The following ERI1 variants were observed in gnomAD, a reference collection of about 807,000 sequenced individuals.
ERI1 encodes the protein 3'-5' exoribonuclease 1.
Under a neutral mutation model 39.7 loss-of-function variants are expected in ERI1, and 39 were observed. That is an observed-to-expected ratio of 0.98 (90% CI 0.76 to 1.28). ERI1 has a LOEUF of 1.28. Among genes scored for constraint, ERI1 ranks in the 50% most tolerant of loss-of-function variants. The pLI, the probability that ERI1 is intolerant of heterozygous loss-of-function variation, is 0.00. For synonymous variants in ERI1, 204 were observed against 149.6 expected, an observed-to-expected ratio of 1.36 and a Z score of -2.65; for missense variants, 581 against 416.9, an observed-to-expected ratio of 1.39 and a Z score of -3.43.
At chr8:9,060,808 T>C (rs983905576) in intron 3 of ERI1, among the ~76,000 whole-genome samples, 2 of 152,178 alleles carry the variant, frequency 1.3e-5, no homozygotes, top group African/African-American at 2.4e-5. Context: ...GCATAAGCAT[T>C]GTCTAGAGCA....
downstream of ERI1, among the ~76,000 whole-genome samples, chr8:9,035,761 T>C (rs1797823353): frequency 6.6e-6 from 1 of 152,228 alleles, no homozygotes; most frequent in Admixed American, 6.5e-5. Context: ...AAGGCTGTAG[T>C]TAGCATAGGT....
intron 6 of ERI1, among the ~76,000 whole-genome samples, chr8:9,029,564 C>G (rs565253910): frequency 2.0e-5 from 3 of 152,190 alleles, no homozygotes; most frequent in South Asian, 2.1e-4. Context: ...CTCCTGACCT[C>G]AAGTGATCTG....
chr8:9,054,551 C>CT (rs1798449639), intron 3 of ERI1, among the ~76,000 whole-genome samples: 1 of 152,194 alleles, frequency 6.6e-6, no homozygotes. Flanking sequence ...GCACAGGAGG[C>CT]TTCAGGATAA....
chr8:9,060,606 A>G (rs1798661335), intron 3 of ERI1, among the ~76,000 whole-genome samples: 1 of 152,244 alleles, frequency 6.6e-6, no homozygotes. Flanking sequence ...AAATGACCAC[A>G]GAATAGAATG....
chr8:9,014,307 T>C (rs1321556805), intron 3 of ERI1, among the ~76,000 whole-genome samples: 3 of 152,158 alleles, frequency 2.0e-5, no homozygotes, highest in Admixed American at 6.5e-5. Context: ...CTTCTCTCCC[T>C]CCCTCCCGTT....
At chr8:9,026,960 ATTC>A (rs1563333776) in intron 6 of ERI1, among the ~76,000 whole-genome samples, 5 of 152,090 alleles carry the variant, frequency 3.3e-5, no homozygotes, top group Admixed American at 2.6e-4. Flanking sequence ...TACAGATACC[ATTC>A]TTCTTCCTGT....
At chr8:9,015,376 A>G (rs1389276165) in intron 3 of ERI1, among the ~76,000 whole-genome samples, 1 of 152,128 alleles carries the variant, frequency 6.6e-6, no homozygotes, top group Non-Finnish European at 1.5e-5. Context: ...CCTTAATCTC[A>G]AAATTGACTC....
chr8:9,035,869 G>C (rs375754529), downstream of ERI1, among the ~76,000 whole-genome samples: 25 of 152,322 alleles, frequency 1.6e-4, no homozygotes, highest in African/African-American at 5.0e-4. Context: ...TTTGTGATTC[G>C]TGAGAGGAGG....
chr8:9,008,041 C>G lies in ERI1; in HGVS notation c.180C>G (p.Asp60Glu). ...GSKFITSSASDFSDPVYKEIA... is the reference protein window; with the variant it reads ...GSKFITSSASEFSDPVYKEIA... ...AGTTCATTACCTCCAGTGCGAGTGACTTCAGTGACCCGGTTTACAAAGAGA... is the reference window on the plus strand; with the variant it reads ...AGTTCATTACCTCCAGTGCGAGTGAGTTCAGTGACCCGGTTTACAAAGAGA... Residue 60 changes from aspartate (D) to glutamate (E), a missense_variant, in exon 2 of 7, where the codon GAC (aspartate) becomes GAG (glutamate). Physicochemically the swap from Asp to Glu is conservative, Grantham distance 45. Coordinates refer to ENST00000250263, the MANE Select transcript of ERI1 (RefSeq NM_153332.4). 2 of 1,595,214 alleles carry G rather than the reference C, an allele frequency of 1.3e-6. No individual in the cohort carries two copies. Among genetic ancestry groups the G allele is most frequent in the Non-Finnish European group, 1.7e-6 (2 of 1,172,144 alleles).
chr8:9,081,003 C>G (rs777865808), intron 3 of ERI1, among the ~76,000 whole-genome samples: 1 of 152,230 alleles, frequency 6.6e-6, no homozygotes, highest in Non-Finnish European at 1.5e-5. Context: ...TTAATTGACT[C>G]ACAGTTCCTC....
chr8:9,096,999 T>C (rs1184263846), intron 3 of ERI1: 2 of 152,160 alleles, frequency 1.3e-5, no homozygotes, highest in Non-Finnish European at 2.9e-5. Flanking sequence ...CTTCACTCTC[T>C]AGACGAAGCC....
downstream of ERI1, among the ~76,000 whole-genome samples, chr8:9,033,701 G>C (rs1797741609): frequency 6.6e-6 from 1 of 152,208 alleles, no homozygotes; most frequent in Admixed American, 6.5e-5. Flanking sequence ...GTCCAGAGCG[G>C]TTAAGTTGCC....
intron 3 of ERI1, among the ~76,000 whole-genome samples, chr8:9,041,575 C>G (rs1798021004): frequency 6.6e-6 from 1 of 152,104 alleles, no homozygotes; most frequent in Non-Finnish European, 1.5e-5. Flanking sequence ...ACAACATGCT[C>G]CTGAATGATC....
At chr8:9,058,361 T>G (rs1481207247) in intron 3 of ERI1, among the ~76,000 whole-genome samples, 1 of 152,172 alleles carries the variant, frequency 6.6e-6, no homozygotes, top group Non-Finnish European at 1.5e-5. Flanking sequence ...TGTCTGAGCA[T>G]TTCCAGAGTT....
intron 3 of ERI1, among the ~76,000 whole-genome samples, chr8:9,038,448 A>G (rs750127496): frequency 2.0e-5 from 3 of 152,242 alleles, no homozygotes; most frequent in Non-Finnish European, 4.4e-5. Context: ...CATCTTTGTA[A>G]CAAGTGTATA....
chr8:9,056,807 A>T (rs1005261902), intron 3 of ERI1, among the ~76,000 whole-genome samples: 6 of 152,192 alleles, frequency 3.9e-5, no homozygotes, highest in African/African-American at 1.4e-4. Context: ...TGACTATCCC[A>T]TCAATTACGT....
At chr8:9,086,641 A>G (rs1055485160) in intron 3 of ERI1, among the ~76,000 whole-genome samples, 7 of 152,212 alleles carry the variant, frequency 4.6e-5, no homozygotes, top group African/African-American at 1.7e-4. Flanking sequence ...TGTGTTCAAT[A>G]TTATAGCAAG....
Position 9,020,029 on chromosome 8 carries a change from C to T in ERI1, c.693-321C>T, listed in dbSNP as rs140865114. On this transcript the variant is annotated intron_variant, in intron 5 of 6. Coordinates refer to ENST00000250263, the MANE Select transcript of ERI1 (RefSeq NM_153332.4). Reference sequence around the variant, plus strand: ...TATTTCAAAGCATGCTGTCAACTTACCATGCTAAGTCTGGCAGTAAAAGTA... The same window carrying T: ...TATTTCAAAGCATGCTGTCAACTTATCATGCTAAGTCTGGCAGTAAAAGTA... Among the ~76,000 whole-genome samples the T allele has an allele frequency of 3.1e-3, 478 of 152,228 alleles. 2 individuals are homozygous for T. Among genetic ancestry groups the T allele is most frequent in the Non-Finnish European group, 5.1e-3 (350 of 67,984 alleles).
At chr8:9,014,578 A>T (rs191705701) in intron 3 of ERI1, among the ~76,000 whole-genome samples, 11 of 152,226 alleles carry the variant, frequency 7.2e-5, no homozygotes, top group Admixed American at 7.2e-4. Flanking sequence ...CAATGAATGT[A>T]TAGTTCTCTC....
Sources: gnomAD v4.1 joint callset for allele counts (sites outside exome capture counted in the v4.1 genomes callset) on GRCh38, gnomAD v4.1.1 for gene constraint, MANE v1.5 for transcripts, NCBI Gene and HGNC (gene_info 2026-07-23, HGNC 2026-07-21) for gene names.